RBFOX1: variants seen among roughly 807,000 people sequenced by gnomAD.
The protein encoded by RBFOX1 is RNA binding fox-1 homolog 1.
A neutral mutation model predicts 57.7 loss-of-function variants in RBFOX1; 8 were observed. That is an observed-to-expected ratio of 0.14 (90% CI 0.08 to 0.25). RBFOX1 has a LOEUF of 0.25. Among genes scored for constraint, RBFOX1 ranks in the 10% least tolerant of loss-of-function variants. The probability of loss-of-function intolerance (pLI) is 1.00; values close to 1 mark genes in which losing one functional copy is unlikely to be tolerated. For missense variants in RBFOX1, 611 were observed against 548.5 expected, an observed-to-expected ratio of 1.11 and a Z score of -1.14; for synonymous variants, 326 against 222.4, an observed-to-expected ratio of 1.47 and a Z score of -4.15.
intron 2 of RBFOX1, among the ~76,000 whole-genome samples, chr16:6,467,532 C>T (rs2095077483): frequency 6.6e-6 from 1 of 152,064 alleles, no homozygotes; most frequent in Admixed American, 6.6e-5. Flanking sequence ...GACAGGAGTT[C>T]TTAGCTGTAG....
intron 4 of RBFOX1, among the ~76,000 whole-genome samples, chr16:7,423,862 G>A (rs2098574779): frequency 6.6e-6 from 1 of 152,156 alleles, no homozygotes; most frequent in Admixed American, 6.5e-5. Flanking sequence ...GTGGCGCCAT[G>A]CATTATGCAC....
At chr16:6,105,467 G>C (rs537025985) in intron 1 of RBFOX1, among the ~76,000 whole-genome samples, 83 of 152,022 alleles carry the variant, frequency 5.5e-4, no homozygotes, top group Middle Eastern at 3.4e-3. Flanking sequence ...TGCCATCTTA[G>C]CCTATTTAAG....
chr16:5,898,225 C>T (rs530248254), intron 4 of RBFOX1, among the ~76,000 whole-genome samples: 2 of 152,228 alleles, frequency 1.3e-5, no homozygotes, highest in East Asian at 1.9e-4. Flanking sequence ...GGGTAACTTC[C>T]CCCATGATTA....
chr16:7,021,708 A>G (rs2039175596), intron 3 of RBFOX1, among the ~76,000 whole-genome samples: 2 of 150,400 alleles, frequency 1.3e-5, no homozygotes, highest in African/African-American at 4.9e-5. Context: ...CATAGTATTT[A>G]CCAAGCTTTT....
At chr16:5,642,153 G>A (rs965597297) in intron 3 of RBFOX1, among the ~76,000 whole-genome samples, 1 of 152,204 alleles carries the variant, frequency 6.6e-6, no homozygotes, top group African/African-American at 2.4e-5. Flanking sequence ...TAGAGGCCAT[G>A]TGCTCATTGA....
At chr16:6,614,364 C>G (rs986668756) in intron 2 of RBFOX1, among the ~76,000 whole-genome samples, 2 of 152,130 alleles carry the variant, frequency 1.3e-5, no homozygotes, top group Non-Finnish European at 2.9e-5. Context: ...ATTAACATCC[C>G]TGATTTTTCT....
intron 3 of RBFOX1, among the ~76,000 whole-genome samples, chr16:6,760,938 G>A (rs1247898688): frequency 6.6e-6 from 1 of 152,144 alleles, no homozygotes; most frequent in East Asian, 1.9e-4. Flanking sequence ...CCACCCATCA[G>A]GATCGGACTG....
intron 4 of RBFOX1, among the ~76,000 whole-genome samples, chr16:7,078,863 CTTTTTTTTTT>C (rs57410575): frequency 1.9e-5 from 1 of 52,738 alleles, no homozygotes; most frequent in South Asian, 1.2e-3. Context: ...ATATATATAC[CTTTTTTTTTT>C]TTTTTTTTTT....
At chr16:6,819,704 T>TA (rs2090892664) in intron 3 of RBFOX1, among the ~76,000 whole-genome samples, 2 of 13,252 alleles carry the variant, frequency 1.5e-4, no homozygotes, top group Non-Finnish European at 2.4e-4. Context: ...AAACTCTGAC[T>TA]CAAAAAAAAA....
intron 4 of RBFOX1, among the ~76,000 whole-genome samples, chr16:5,975,641 T>C (rs2060047419): frequency 6.6e-6 from 1 of 152,044 alleles, no homozygotes; most frequent in South Asian, 2.1e-4. Context: ...AGTTCTGGAG[T>C]AAAGGATGTC....
At chr16:6,500,717 A>C (rs940086160) in intron 2 of RBFOX1, among the ~76,000 whole-genome samples, 1 of 150,058 alleles carries the variant, frequency 6.7e-6, no homozygotes, top group Non-Finnish European at 1.5e-5. Context: ...CACTGACATC[A>C]ACACTTGACA....
intron 4 of RBFOX1, among the ~76,000 whole-genome samples, chr16:7,434,004 T>G (rs1598339986): frequency 6.6e-6 from 1 of 152,178 alleles, no homozygotes; most frequent in Non-Finnish European, 1.5e-5. Flanking sequence ...AGGGAACAGT[T>G]AATACTATTG....
chr16:7,534,875 C>A (rs894586609), intron 5 of RBFOX1, among the ~76,000 whole-genome samples: 1 of 152,096 alleles, frequency 6.6e-6, no homozygotes, highest in African/African-American at 2.4e-5. Context: ...TTTAGGAAGC[C>A]CTGCGATTTT....
At chr16:5,994,901 G>A (rs2060465836) in intron 4 of RBFOX1, among the ~76,000 whole-genome samples, 1 of 152,278 alleles carries the variant, frequency 6.6e-6, no homozygotes. Flanking sequence ...CTCTTCTTCA[G>A]TGTCATGAAC....
chr16:5,360,145 G>C (rs1399818097), intron 1 of RBFOX1, among the ~76,000 whole-genome samples: 2 of 152,208 alleles, frequency 1.3e-5, no homozygotes, highest in Non-Finnish European at 2.9e-5. Flanking sequence ...TGCTCCATAG[G>C]CTCCTGATCA....
intron 2 of RBFOX1, among the ~76,000 whole-genome samples, chr16:6,572,030 C>T (rs923650565): frequency 1.3e-5 from 2 of 152,132 alleles, no homozygotes; most frequent in African/African-American, 2.4e-5. Context: ...TATAAGTATA[C>T]AGTTTTGTCC....
chr16:7,471,189 C>G (rs1341181385), intron 4 of RBFOX1, among the ~76,000 whole-genome samples: 6 of 152,196 alleles, frequency 3.9e-5, no homozygotes, highest in South Asian at 4.1e-4. Context: ...CTGCCATGCT[C>G]TTTTTTAACG....
chr16:5,559,449 G>C (rs9888773), intron 2 of RBFOX1, among the ~76,000 whole-genome samples: 107,733 of 152,072 alleles, frequency 0.71, 38,304 homozygotes, highest in South Asian at 0.82. Context: ...TTTACATACT[G>C]TCAAAACAAG....
At chr16:6,936,221 A>C (rs939902668) in intron 3 of RBFOX1, among the ~76,000 whole-genome samples, 2 of 152,192 alleles carry the variant, frequency 1.3e-5, no homozygotes, top group African/African-American at 4.8e-5. Context: ...TTGAATATTA[A>C]ATTAGAATAA....
Sources: allele counts gnomAD v4.1 joint callset (sites outside exome capture counted in the v4.1 genomes callset), GRCh38; gene constraint gnomAD v4.1.1; transcripts MANE v1.5; gene names NCBI Gene and HGNC (gene_info 2026-07-23, HGNC 2026-07-21).